The following ADD2 variants were observed in gnomAD, a reference collection of about 807,000 sequenced individuals.
ADD2 encodes the protein beta-adducin.
Under a neutral mutation model 83.0 loss-of-function variants are expected in ADD2, and 23 were observed. The observed-to-expected ratio is 0.28, with a 90% CI of 0.20 to 0.39. The LOEUF (loss-of-function observed/expected upper bound fraction) is 0.39. ADD2 is among the 10% of genes least tolerant of loss of function. The pLI, the probability that ADD2 is intolerant of heterozygous loss-of-function variation, is 1.00. For missense variants in ADD2, 758 were observed against 944.9 expected (o/e 0.80, Z 2.59); for synonymous variants, 375 against 375.4 (o/e 1.00, Z 0.01).
chr2:70,738,275 C>T (rs929510528), intron 1 of ADD2, among the ~76,000 whole-genome samples: 2 of 152,110 alleles, frequency 1.3e-5, no homozygotes, highest in Non-Finnish European at 2.9e-5. Flanking sequence ...TAAAAACCAA[C>T]GTCAATTCAC....
intron 1 of ADD2, among the ~76,000 whole-genome samples, chr2:70,740,505 T>C (rs1673827966): frequency 6.6e-6 from 1 of 152,202 alleles, no homozygotes; most frequent in Non-Finnish European, 1.5e-5. Context: ...ACTGCAAGCA[T>C]GCAGAGCAGA....
intron 1 of ADD2, among the ~76,000 whole-genome samples, chr2:70,738,637 T>G (rs782706814): frequency 1.3e-5 from 2 of 152,216 alleles, no homozygotes; most frequent in African/African-American, 2.4e-5. Flanking sequence ...AGGACCGCAG[T>G]GCTGGTCATG....
At position 70,678,958 on chromosome 2, in the gene ADD2, A is replaced by G. The variant is rs782188452; in HGVS notation, c.1129T>C (p.Tyr377His). 4 of 1,606,172 alleles carry G rather than the reference A, an allele frequency of 2.5e-6. No individual in the cohort carries two copies. The highest frequency in any genetic ancestry group is 3.4e-6 in the Non-Finnish European group (4 of 1,176,362). The change falls in exon 11 of 16, where the codon TAC (tyrosine) becomes CAC (histidine). Residue 377 changes from tyrosine to histidine, a missense_variant. By Grantham distance (83) the Tyr-to-His change is moderately conservative (BLOSUM62 2). Transcript: ENST00000264436. ...TGGCGATACGTGTAACCTGTTCTGT[A>G]GCCCTATAAAGGACAAAAATAGAAC... Reference protein sequence around the residue: ...ALMRMLDNLGYRTGYTYRHPF... With the variant: ...ALMRMLDNLGHRTGYTYRHPF...
intron 10 of ADD2, among the ~76,000 whole-genome samples, chr2:70,682,536 G>A (rs1670512884): frequency 6.6e-6 from 1 of 152,188 alleles, no homozygotes; most frequent in Admixed American, 6.5e-5. Flanking sequence ...GATAAAGAAG[G>A]CCCAAGATGG....
At chr2:70,701,806 G>C (rs1462195161) in intron 4 of ADD2, among the ~76,000 whole-genome samples, 1 of 152,028 alleles carries the variant, frequency 6.6e-6, no homozygotes, top group Non-Finnish European at 1.5e-5. Flanking sequence ...AAAAATTTCA[G>C]AGTAAACTTC....
intron 4 of ADD2, among the ~76,000 whole-genome samples, chr2:70,696,775 G>C (rs1246817942): frequency 6.6e-6 from 1 of 152,110 alleles, no homozygotes; most frequent in African/African-American, 2.4e-5. Flanking sequence ...TATTATTAAT[G>C]AAGAAGTTAC....
chr2:70,715,147 G>A (rs1231721798), intron 1 of ADD2, among the ~76,000 whole-genome samples: 2 of 152,170 alleles, frequency 1.3e-5, no homozygotes, highest in African/African-American at 4.8e-5. Flanking sequence ...TCTGATTGGG[G>A]AGTTGGGCTG....
intron 1 of ADD2, among the ~76,000 whole-genome samples, chr2:70,762,923 CT>C (rs1228646378): frequency 1.3e-5 from 2 of 151,732 alleles, no homozygotes; most frequent in African/African-American, 2.4e-5. Flanking sequence ...CCAGGCTGGT[CT>C]GGAACTCCTG....
intron 1 of ADD2, among the ~76,000 whole-genome samples, chr2:70,749,712 C>T (rs554362530): frequency 4.6e-5 from 7 of 152,256 alleles, no homozygotes; most frequent in Non-Finnish European, 7.4e-5. Context: ...CCTCCTTCTC[C>T]CTGTCTAGAA....
chr2:70,664,896 GTA>G (rs1476537237), intron 15 of ADD2, among the ~76,000 whole-genome samples: 4 of 152,114 alleles, frequency 2.6e-5, no homozygotes, highest in African/African-American at 9.7e-5. Flanking sequence ...ACAGTGAGTG[GTA>G]TATGAGTGTG....
Position 70,676,551 on chromosome 2 carries a change from C to T in ADD2, c.1593+245G>A. 7.1e-7 allele frequency: 1 copy of T among 1,412,794 alleles called. No individual in the cohort carries two copies. Among genetic ancestry groups the T allele is most frequent in the African/African-American group, 1.4e-5 (1 of 69,308 alleles). 87.5% of individuals were successfully genotyped at this position (1,412,794 alleles called of 1,614,324 possible). ...AGGTACGGAAGCCGGCCGCATCACT[C>T]CTGCAGGCAGGCTGGGCTGCTGTTC... On this transcript the variant is annotated intron_variant, in intron 13 of 15. Coordinates refer to ENST00000264436, the MANE Select transcript of ADD2 (RefSeq NM_001617.4). The surrounding 1 kb of genome is among the most constrained non-coding windows in gnomAD (Gnocchi z 4.8).
At chr2:70,743,618 C>G (rs564069640) in intron 1 of ADD2, among the ~76,000 whole-genome samples, 1 of 152,268 alleles carries the variant, frequency 6.6e-6, no homozygotes, top group African/African-American at 2.4e-5. Flanking sequence ...GAAATACTTG[C>G]CAGGTCTATT....
chr2:70,689,863 C>T (rs541867940), intron 8 of ADD2, among the ~76,000 whole-genome samples: 5 of 152,170 alleles, frequency 3.3e-5, no homozygotes, highest in African/African-American at 7.2e-5. Context: ...AAAATAAAGG[C>T]GACAACACTC....
intron 4 of ADD2, among the ~76,000 whole-genome samples, chr2:70,703,804 T>A (rs548488490): frequency 1.4e-4 from 22 of 152,250 alleles, no homozygotes; most frequent in African/African-American, 5.3e-4. Flanking sequence ...AATAGTAATA[T>A]GAGGGCTTTA....
intron 2 of ADD2, among the ~76,000 whole-genome samples, chr2:70,711,585 T>A (rs969070056): frequency 2.6e-5 from 4 of 151,988 alleles, no homozygotes; most frequent in Non-Finnish European, 5.9e-5. Context: ...CCTTGATTTT[T>A]AAAAAAAACT....
intron 1 of ADD2, among the ~76,000 whole-genome samples, chr2:70,739,393 C>T (rs1157580478): frequency 6.6e-6 from 1 of 152,134 alleles, no homozygotes; most frequent in Non-Finnish European, 1.5e-5. Context: ...CAGATACTGG[C>T]AAGGTTGCAG....
chr2:70,666,977 A>G (rs1026407135), intron 15 of ADD2, among the ~76,000 whole-genome samples: 2 of 152,280 alleles, frequency 1.3e-5, no homozygotes, highest in South Asian at 4.1e-4. Context: ...ACTGGCCAAG[A>G]GAAGGGACAG....
Position 70,676,123 on chromosome 2 carries a change from C to A in ADD2, c.1593+673G>T, listed in dbSNP as rs543271366. ...TCCTGTATTTCCCCAATTTTTACTG[C>A]TAAGGAAAATGTCATGCCCATTGCT... is the stretch of plus-strand genomic sequence containing the variant. On this transcript the variant is annotated intron_variant, in intron 13 of 15. Coordinates refer to ENST00000264436, the MANE Select transcript of ADD2 (RefSeq NM_001617.4). The surrounding 1 kb of genome is among the most constrained non-coding windows in gnomAD (Gnocchi z 4.8). The A allele has an allele frequency of 8.7e-4, 856 of 985,328 alleles. 1 individual carries two copies. Among genetic ancestry groups the A allele is most frequent in the Non-Finnish European group, 9.8e-4 (814 of 829,960 alleles). The allele number at this position is 985,328 out of a possible 1,614,324, so 61.0% of individuals were successfully genotyped here. A position where few individuals can be genotyped will look rare whatever the true frequency, so the allele number is the denominator to read the frequency against.
chr2:70,697,013 G>T (rs1553372836), intron 4 of ADD2, among the ~76,000 whole-genome samples: 1 of 152,170 alleles, frequency 6.6e-6, no homozygotes, highest in African/African-American at 2.4e-5. Context: ...ACAAAAATTA[G>T]CTGGGTGTGG....
Sources: gnomAD v4.1 joint callset for allele counts (sites outside exome capture counted in the v4.1 genomes callset) on GRCh38, gnomAD v4.1.1 for gene constraint, Gnocchi (gnomAD v3.1) non-coding constraint, MANE v1.5 for transcripts, NCBI Gene and HGNC (gene_info 2026-07-23, HGNC 2026-07-21) for gene names.